The following MPEG1 variants were observed in gnomAD, a reference collection of about 807,000 sequenced individuals.
MPEG1 encodes macrophage expressed 1, also known as macrophage-expressed gene 1 protein.
For synonymous variants in MPEG1, 365 were observed against 351.9 expected, an observed-to-expected ratio of 1.04 and a Z score of -0.42; for missense variants, 876 against 880.3, an observed-to-expected ratio of 1.00 and a Z score of 0.06.
chr11:59,212,198 G>A lies in MPEG1; in HGVS notation c.668C>T (p.Ala223Val). The A allele has an allele frequency of 6.2e-7, 1 of 1,613,996 alleles. No individual in the cohort carries two copies. Among genetic ancestry groups the A allele is most frequent in the Non-Finnish European group, 8.5e-7 (1 of 1,180,032 alleles). ...AALIQEDHLR[A>V]SFLQDSQSSR... ...GCTCTGGCTGTCTTGGAGGAAGGAG[G>A]CCCTGAGGTGGTCCTCCTGAATAAG... Residue 223 changes from alanine (A) to valine (V), a missense_variant, in exon 1 of 1, where the codon GCC becomes GTC. Transcript: ENST00000361050.
rs190160235 is a variant in MPEG1, at chr11:59,211,260, C to A, written c.1606G>T (p.Val536Phe). Residue 536 changes from valine (V) to phenylalanine (F), a missense_variant, in exon 1 of 1, where the codon GTT becomes TTT. Transcript: ENST00000361050. ...VPFGGFFSCT[V>F]GNPLVDPAIS... ...GCAGGATCTACCAGGGGGTTCCCAA[C>A]TGTGCAGCTAAAGAACCCGCCAAAG... 3.5e-4 allele frequency: 569 copies of A among 1,614,198 alleles called. 2 individuals carry two copies. The African/African-American group carries it at 6.8e-3, about 19-fold the overall frequency.
chr11:59,209,744 G>GGT lies in MPEG1; in HGVS notation c.*969_*970dup, dbSNP rs1356902489. ...CAGAACCATGCAGACATTGAAATGTGGTGTGCGTGTGTGTGTGTGTGTGTG... is the reference window on the plus strand; with the variant it reads ...CAGAACCATGCAGACATTGAAATGTGGTGTGTGCGTGTGTGTGTGTGTGTGTG... On this transcript the variant is annotated 3_prime_UTR_variant, in exon 1 of 1. Coordinates refer to ENST00000361050, the MANE Select transcript of MPEG1 (RefSeq NM_001039396.2). The GGT allele has an allele frequency of 2.8e-5, 3 of 106,018 alleles. No homozygotes were observed. The South Asian group carries it at 1.0e-3, about 37-fold the overall frequency. 6.6% of individuals were successfully genotyped at this position (106,018 alleles called of 1,614,324 possible).
In MPEG1 at chr11:59,212,211, C is replaced by A; in HGVS notation, c.655G>T (p.Asp219Tyr). The change falls in exon 1 of 1, where the codon GAC (aspartate) becomes TAC (tyrosine). Residue 219 changes from aspartate to tyrosine, a missense_variant. Physicochemically the swap from Asp to Tyr is radical, Grantham distance 160 (BLOSUM62 -3). Transcript: ENST00000361050. ...TGGAGGAAGGAGGCCCTGAGGTGGT[C>A]CTCCTGAATAAGAGCAGCCCCAGCG... ...VDAGAALIQE[D>Y]HLRASFLQDS... 1 of 1,613,938 alleles carries A rather than the reference C, an allele frequency of 6.2e-7. No homozygotes were observed. The highest frequency in any genetic ancestry group is 8.5e-7 in the Non-Finnish European group (1 of 1,180,022).
chr11:59,210,759 T>A lies in MPEG1; in HGVS notation c.2107A>T (p.Thr703Ser). 1 of 1,614,208 alleles carries A rather than the reference T, an allele frequency of 6.2e-7. No homozygotes were observed. Among genetic ancestry groups the A allele is most frequent in the Non-Finnish European group, 8.5e-7 (1 of 1,180,034 alleles). Reference protein sequence around the residue: ...RQSLVPGTAATGDTTYQEQGQ... With the variant: ...RQSLVPGTAASGDTTYQEQGQ... ...TGCTCTTGGTAAGTGGTGTCTCCAG[T>A]TGCTGCAGTGCCTGGAACCAAACTC... The change falls in exon 1 of 1, where the codon ACT (threonine) becomes TCT (serine). Residue 703 changes from threonine (T) to serine (S), a missense_variant. By Grantham distance (58) the Thr-to-Ser change is moderately conservative. Coordinates refer to ENST00000361050, the MANE Select transcript of MPEG1 (RefSeq NM_001039396.2).
In MPEG1 at chr11:59,210,193, A is replaced by G. The variant is rs77359023; in HGVS notation, c.*522T>C. On this transcript the variant is annotated 3_prime_UTR_variant, in exon 1 of 1. Transcript: ENST00000361050. ...TTTGAGGTCACCCAGAGGAGATAAC[A>G]GTCTGTCAACATAGAGCCCTCAAAG... is the stretch of plus-strand genomic sequence containing the variant. The G allele has an allele frequency of 0.029, 4,480 of 154,358 alleles. 108 individuals carry two copies. Among genetic ancestry groups the G allele is most frequent in the East Asian group, 0.094 (491 of 5,220 alleles). The allele number at this position is 154,358 out of a possible 1,614,324, so 9.6% of individuals were successfully genotyped here. A position where few individuals can be genotyped will look rare whatever the true frequency, so the allele number is the denominator to read the frequency against.
chr11:59,212,271 G>A lies in MPEG1; in HGVS notation c.595C>T (p.Leu199Phe). ...GTGGTGACGTGGGTGCCATAGTTGA[G>A]CACCAGGAGTTCTGCCAGGTAGGTG... ...MATYLAELLV[L>F]NYGTHVTTSV... Residue 199 changes from leucine to phenylalanine, a missense_variant, in exon 1 of 1, where the codon CTC becomes TTC. Physicochemically the swap from Leu to Phe is conservative, Grantham distance 22. Coordinates refer to ENST00000361050, the MANE Select transcript of MPEG1 (RefSeq NM_001039396.2). 1.2e-6 allele frequency: 2 copies of A among 1,613,846 alleles called. No individual in the cohort carries two copies. Among genetic ancestry groups the A allele is most frequent in the East Asian group, 2.2e-5 (1 of 44,870 alleles).
chr11:59,210,112 C>T lies in MPEG1; in HGVS notation c.*603G>A, dbSNP rs1045061043. 3.9e-5 allele frequency: 6 copies of T among 152,358 alleles called. No homozygotes were observed. The highest frequency in any genetic ancestry group is 1.5e-4 in the African/African-American group (6 of 41,374). 9.4% of individuals were successfully genotyped at this position (152,358 alleles called of 1,614,324 possible). A position where few individuals can be genotyped will look rare whatever the true frequency, so the allele number is the denominator to read the frequency against. On this transcript the variant is annotated 3_prime_UTR_variant, in exon 1 of 1. Transcript: ENST00000361050. ...TGGTCTGGTATAAGGGAGTGTTCAT[C>T]AAGGGGCAGCTGGAAAAAGTGGAAT... is the stretch of plus-strand genomic sequence containing the variant.
At position 59,208,813 on chromosome 11, in the gene MPEG1, C is replaced by T. The variant is rs545079780; in HGVS notation, c.*1902G>A. On this transcript the variant is annotated 3_prime_UTR_variant, in exon 1 of 1. Coordinates refer to ENST00000361050, the MANE Select transcript of MPEG1 (RefSeq NM_001039396.2). ...ATGTTCGGACTTCATATGCATGAGC[C>T]GTTGGACAGAGGGTTTCTTAGTATA... 6.6e-6 allele frequency: 1 copy of T among 152,296 alleles called. No individual in the cohort carries two copies. Among genetic ancestry groups the T allele is most frequent in the South Asian group, 2.1e-4 (1 of 4,828 alleles). 9.4% of individuals were successfully genotyped at this position (152,296 alleles called of 1,614,324 possible).
In MPEG1 at chr11:59,211,702, G is replaced by C; in HGVS notation, c.1164C>G (p.Leu388=). The change falls in exon 1 of 1, where the codon CTC becomes CTG. Residue 388 remains leucine (L), a synonymous_variant. Coordinates refer to ENST00000361050, the MANE Select transcript of MPEG1 (RefSeq NM_001039396.2). ...AGAGGAGGACATCCCTATTCCCTGAGAGCTGAGTGCATTCCTGATAAACCC... is the reference window on the plus strand; with the variant it reads ...AGAGGAGGACATCCCTATTCCCTGACAGCTGAGTGCATTCCTGATAAACCC... ...FGGVYQECTQ[L]SGNRDVLLCQ... The C allele has an allele frequency of 1.9e-6, 3 of 1,614,232 alleles. No homozygotes were observed. Among genetic ancestry groups the C allele is most frequent in the South Asian group, 2.2e-5 (2 of 91,088 alleles).
In MPEG1 at chr11:59,209,963, A is replaced by G. The variant is rs1862868353; in HGVS notation, c.*752T>C. 6.6e-6 allele frequency: 1 copy of G among 150,524 alleles called. No homozygotes were observed. Among genetic ancestry groups the G allele is most frequent in the African/African-American group, 2.4e-5 (1 of 40,840 alleles). The allele number at this position is 150,524 out of a possible 1,614,324, so 9.3% of individuals were successfully genotyped here. On this transcript the variant is annotated 3_prime_UTR_variant, in exon 1 of 1. Transcript: ENST00000361050. ...ATGAAGGGGTAGTACTTAGCACCAG[A>G]ATCTTTTCCAGTTTTTACCCATCTT...
At position 59,212,286 on chromosome 11, in the gene MPEG1, C is replaced by G. The variant is rs867108207; in HGVS notation, c.580G>C (p.Ala194Pro). 8.1e-6 allele frequency: 13 copies of G among 1,613,722 alleles called. No individual in the cohort carries two copies. The highest frequency in any genetic ancestry group is 1.3e-5 in the African/African-American group (1 of 74,906). Residue 194 changes from alanine (A) to proline (P), a missense_variant, in exon 1 of 1, where the codon GCA becomes CCA. Ala to Pro is a conservative substitution (Grantham distance 27). Transcript: ENST00000361050. ...NNQTRMATYLAELLVLNYGTH... is the reference protein window; with the variant it reads ...NNQTRMATYLPELLVLNYGTH... ...CCATAGTTGAGCACCAGGAGTTCTG[C>G]CAGGTAGGTGGCCATCCTCGTCTGG...
chr11:59,210,766 A>G lies in MPEG1; in HGVS notation c.2100T>C (p.Thr700=). 2 of 1,614,206 alleles carry G rather than the reference A, an allele frequency of 1.2e-6. No homozygotes were observed. The highest frequency in any genetic ancestry group is 1.3e-5 in the African/African-American group (1 of 75,052). The change falls in exon 1 of 1, where the codon ACT becomes ACC. Residue 700 remains threonine, a synonymous_variant. Coordinates refer to ENST00000361050, the MANE Select transcript of MPEG1 (RefSeq NM_001039396.2). ...GGTAAGTGGTGTCTCCAGTTGCTGC[A>G]GTGCCTGGAACCAAACTCTGCCTTT... ...IEERQSLVPG[T]AATGDTTYQE... is the part of the protein sequence containing the mutation.
In MPEG1 at chr11:59,211,606, G is replaced by A. The variant is rs765245332; in HGVS notation, c.1260C>T (p.His420=). The change falls in exon 1 of 1, where the codon CAC becomes CAT. Residue 420 remains histidine, a synonymous_variant. Coordinates refer to ENST00000361050, the MANE Select transcript of MPEG1 (RefSeq NM_001039396.2). Reference sequence around the variant, plus strand: ...CCTCCTCGTGGATCTGGGATAACAGGTGCACCGGGGAGTAGCCAGAGGGGC... The same window carrying A: ...CCTCCTCGTGGATCTGGGATAACAGATGCACCGGGGAGTAGCCAGAGGGGC... ...FSCPSGYSPV[H]LLSQIHEEGY... 5 of 1,614,202 alleles carry A rather than the reference G, an allele frequency of 3.1e-6. No homozygotes were observed. Among genetic ancestry groups the A allele is most frequent in the Middle Eastern group, 1.6e-4 (1 of 6,062 alleles).
Position 59,210,611 on chromosome 11 carries a change from A to T in MPEG1, c.*104T>A. On this transcript the variant is annotated 3_prime_UTR_variant, in exon 1 of 1. Transcript: ENST00000361050. ...CCAGAGACCTAAACAAGAAGTCACG[A>T]ATATACCTACTTTTGGTTGCACTTG... 1 of 1,032,130 alleles carries T rather than the reference A, an allele frequency of 9.7e-7. No homozygotes were observed. The highest frequency in any genetic ancestry group is 1.5e-6 in the Non-Finnish European group (1 of 688,784). 63.9% of individuals were successfully genotyped at this position (1,032,130 alleles called of 1,614,324 possible). A position where few individuals can be genotyped will look rare whatever the true frequency, so the allele number is the denominator to read the frequency against.
Position 59,210,809 on chromosome 11 carries a change from G to A in MPEG1, c.2057C>T (p.Ala686Val), listed in dbSNP as rs930437548. 3.1e-6 allele frequency: 5 copies of A among 1,614,048 alleles called. No homozygotes were observed. The highest frequency in any genetic ancestry group is 2.5e-6 in the Non-Finnish European group (3 of 1,180,044). Residue 686 changes from alanine (A) to valine (V), a missense_variant, in exon 1 of 1, where the codon GCA (alanine) becomes GTA (valine). By Grantham distance (64) the Ala-to-Val change is moderately conservative (BLOSUM62 0). Transcript: ENST00000361050. Reference protein sequence around the residue: ...IYGTRKFKKKAYQAIEERQSL... With the variant: ...IYGTRKFKKKVYQAIEERQSL... ...CTGCCTTTCCTCAATTGCCTGATATGCTTTCTTCTTGAACTTCCGGGTGCC... is the reference window on the plus strand; with the variant it reads ...CTGCCTTTCCTCAATTGCCTGATATACTTTCTTCTTGAACTTCCGGGTGCC...
At position 59,212,639 on chromosome 11, in the gene MPEG1, C is replaced by G. The variant is rs1276722054; in HGVS notation, c.227G>C (p.Gly76Ala). The G allele has an allele frequency of 1.9e-6, 3 of 1,614,204 alleles. No homozygotes were observed. The Admixed American group carries it at 5.0e-5, about 27-fold the overall frequency. The change falls in exon 1 of 1, where the codon GGA becomes GCA. Residue 76 changes from glycine (G) to alanine (A), a missense_variant. Gly to Ala is a moderately conservative substitution (Grantham distance 60). Transcript: ENST00000361050. Reference sequence around the variant, plus strand: ...GATTTCATCAGGGATGATATACTGTCCATCCTCTGTTGTCCTGCAGTTGGA... The same window carrying G: ...GATTTCATCAGGGATGATATACTGTGCATCCTCTGTTGTCCTGCAGTTGGA... ...TYSNCRTTED[G>A]QYIIPDEIFT... is the part of the protein sequence containing the mutation.
rs1565225309 is a variant in MPEG1 at position 59,211,467 on chromosome 11, CCA to C, written c.1397_1398del (p.Val466GlyfsTer7). The C allele has an allele frequency of 6.2e-7, 1 of 1,613,856 alleles. No homozygotes were observed. The highest frequency in any genetic ancestry group is 1.3e-5 in the African/African-American group (1 of 74,892). On this transcript the variant is annotated frameshift_variant, in exon 1 of 1. Coordinates refer to ENST00000361050, the MANE Select transcript of MPEG1 (RefSeq NM_001039396.2). LOFTEE classifies it low-confidence loss of function (END_TRUNC). ...AKAEFRAFWC[V>X]ASSQVPENSG... ...GAGTTTTCAGGTACTTGGCTGCTGGCCACACACCAAAAAGCCCTAAATTCAGC... is the reference window on the plus strand; with the variant it reads ...GAGTTTTCAGGTACTTGGCTGCTGGCCACACCAAAAAGCCCTAAATTCAGC...
At position 59,211,923 on chromosome 11, in the gene MPEG1, T is replaced by C; in HGVS notation, c.943A>G (p.Asn315Asp). 2.5e-6 allele frequency: 4 copies of C among 1,613,696 alleles called. No individual in the cohort carries two copies. The highest frequency in any genetic ancestry group is 4.5e-5 in the East Asian group (2 of 44,856). ...GGCAAGTCAGGTAGCATGTTGGGGT[T>C]GATGAAGAAATGCAGCGGCAGGCCA... Reference protein sequence around the residue: ...RSGLPLHFFINPNMLPDLPGP... With the variant: ...RSGLPLHFFIDPNMLPDLPGP... The change falls in exon 1 of 1, where the codon AAC becomes GAC. Residue 315 changes from asparagine (N) to aspartate (D), a missense_variant. Asn to Asp is a conservative substitution (Grantham distance 23). Transcript: ENST00000361050.
In MPEG1 at chr11:59,211,707, G is replaced by A. The variant is rs755552250; in HGVS notation, c.1159C>T (p.Gln387Ter). The A allele has an allele frequency of 8.7e-6, 14 of 1,614,228 alleles. No individual in the cohort carries two copies. The highest frequency in any genetic ancestry group is 1.1e-5 in the Non-Finnish European group (13 of 1,180,042). ...AGGACATCCCTATTCCCTGAGAGCT[G>A]AGTGCATTCCTGATAAACCCCACCG... ...SFGGVYQECT[Q>*]LSGNRDVLLC... The change falls in exon 1 of 1, where the codon CAG becomes TAG. Residue 387 changes from glutamine to a stop codon, truncating the protein, a stop_gained. Coordinates refer to ENST00000361050, the MANE Select transcript of MPEG1 (RefSeq NM_001039396.2). LOFTEE classifies it low-confidence loss of function (END_TRUNC).
Sources: allele counts gnomAD v4.1 joint callset, GRCh38; gene constraint gnomAD v4.1.1; transcripts MANE v1.5; gene names NCBI Gene and HGNC (gene_info 2026-07-23, HGNC 2026-07-21).